IL1RAPL2: variants seen among roughly 807,000 people sequenced by gnomAD.
IL1RAPL2 encodes the protein X-linked interleukin-1 receptor accessory protein-like 2.
Under a neutral mutation model 44.1 loss-of-function variants are expected in IL1RAPL2, and 3 were observed. That is an observed-to-expected ratio of 0.07 (90% CI 0.03 to 0.18). The LOEUF (loss-of-function observed/expected upper bound fraction) is 0.18. Ranked by LOEUF, IL1RAPL2 falls within the 10% of genes least tolerant of loss-of-function variation. The pLI is 1.00. For synonymous variants in IL1RAPL2, 181 were observed against 178.8 expected, an observed-to-expected ratio of 1.01 and a Z score of -0.10; for missense variants, 391 against 496.4, an observed-to-expected ratio of 0.79 and a Z score of 2.02.
rs150616943 is a variant in IL1RAPL2, at chrX:105,101,112, G to A, written c.83-94363G>A. Among the ~76,000 whole-genome samples, 143 of 111,964 alleles carry A rather than the reference G, an allele frequency of 1.3e-3. No homozygotes were observed. The East Asian group carries it at 0.036, about 28-fold the overall frequency. On this transcript the variant is annotated intron_variant, in intron 2 of 10. Coordinates refer to ENST00000372582, the MANE Select transcript of IL1RAPL2 (RefSeq NM_017416.2). ...TTAGTGTAATTATACTCAACTTAGGGAATGAACAACTCCCGATTCCTCTCC... is the reference window on the plus strand; with the variant it reads ...TTAGTGTAATTATACTCAACTTAGGAAATGAACAACTCCCGATTCCTCTCC...
chrX:105,755,163 T>C lies in IL1RAPL2; in HGVS notation c.1193-14T>C. ...TTAATAGTTACAACCCTTTTGTTGT[T>C]CTTTATGTTTAAGACAACAAGGAAT... On this transcript the variant is annotated splice_polypyrimidine_tract_variant and intron_variant, in intron 9 of 10. Coordinates refer to ENST00000372582, the MANE Select transcript of IL1RAPL2 (RefSeq NM_017416.2). 8.6e-7 allele frequency: 1 copy of C among 1,157,013 alleles called. No individual in the cohort carries two copies. Among genetic ancestry groups the C allele is most frequent in the Non-Finnish European group, 1.2e-6 (1 of 854,062 alleles).
At chrX:105,260,024 T>G (rs985201550) in intron 4 of IL1RAPL2, among the ~76,000 whole-genome samples, 26 of 112,330 alleles carry the variant, frequency 2.3e-4, no homozygotes, top group African/African-American at 7.4e-4. Flanking sequence ...TCCGGGAGCT[T>G]CATCCCCGGG....
In IL1RAPL2 at chrX:104,796,487, AAAAC is replaced by A. The variant is rs745394086; in HGVS notation, c.82+137498_82+137501del. ...TGGAAGGGCTCAAGTGGCTGAAGGGAAAACAAACATTCATGGGCTGGCCCAAAGG... is the reference window on the plus strand; with the variant it reads ...TGGAAGGGCTCAAGTGGCTGAAGGGAAAACATTCATGGGCTGGCCCAAAGG... On this transcript the variant is annotated intron_variant, in intron 2 of 10. Coordinates refer to ENST00000372582, the MANE Select transcript of IL1RAPL2 (RefSeq NM_017416.2). 8.0e-5 allele frequency among the ~76,000 whole-genome samples: 9 copies of A among 112,169 alleles called. No homozygotes were observed. In the East Asian group the frequency reaches 2.6e-3, roughly 32 times the overall value.
chrX:104,923,466 G>T (rs1337256694), intron 2 of IL1RAPL2, among the ~76,000 whole-genome samples: 1 of 112,077 alleles, frequency 8.9e-6, no homozygotes, highest in Admixed American at 9.5e-5. Flanking sequence ...CTTATCAGCA[G>T]AAACCTTACA....
intron 1 of IL1RAPL2, among the ~76,000 whole-genome samples, chrX:104,634,745 C>G (rs190982340): frequency 5.4e-5 from 6 of 111,769 alleles, no homozygotes; most frequent in Non-Finnish European, 9.4e-5. Context: ...TGTCTCTGCA[C>G]ATGAGATGGA....
rs2035966551 is a variant in IL1RAPL2, at chrX:105,447,181, A to G, written c.698-37132A>G. On this transcript the variant is annotated intron_variant, in intron 5 of 10. Transcript: ENST00000372582. ...TATAAATATATATAAATATATATAT[A>G]AATATAAATATATATAAATATATAT... is the stretch of plus-strand genomic sequence containing the variant. Among the ~76,000 whole-genome samples the G allele has an allele frequency of 2.7e-3, 69 of 25,928 alleles. 5 individuals are homozygous for G. Among genetic ancestry groups the G allele is most frequent in the African/African-American group, 0.022 (57 of 2,543 alleles). 22.5% of individuals were successfully genotyped at this position (25,928 alleles called of 115,157 possible).
chrX:105,077,089 A>G lies in IL1RAPL2; in HGVS notation c.83-118386A>G, dbSNP rs60253953. ...GTGTGAATTTGATCCTGTCATTATGATTTTAGCTGGTTATTTTGCTCGTTA... is the reference window on the plus strand; with the variant it reads ...GTGTGAATTTGATCCTGTCATTATGGTTTTAGCTGGTTATTTTGCTCGTTA... On this transcript the variant is annotated intron_variant, in intron 2 of 10. Coordinates refer to ENST00000372582, the MANE Select transcript of IL1RAPL2 (RefSeq NM_017416.2). 8.4e-4 allele frequency among the ~76,000 whole-genome samples: 93 copies of G among 111,046 alleles called. 3 individuals are homozygous for G. In the East Asian group the frequency reaches 0.023, roughly 27 times the overall value.
chrX:105,314,320 T>A (rs1321385), intron 5 of IL1RAPL2, among the ~76,000 whole-genome samples: 4 of 109,057 alleles, frequency 3.7e-5, no homozygotes, highest in African/African-American at 1.4e-4. Context: ...TGGTATTTGG[T>A]AGTGAACTTA....
intron 2 of IL1RAPL2, among the ~76,000 whole-genome samples, chrX:105,072,987 C>T (rs1242029723): frequency 1.8e-5 from 2 of 108,205 alleles, no homozygotes; most frequent in African/African-American, 3.4e-5. Context: ...TGAACTCATC[C>T]TTTTTTATGG....
intron 2 of IL1RAPL2, among the ~76,000 whole-genome samples, chrX:105,107,632 G>A (rs760536287): frequency 8.9e-6 from 1 of 111,768 alleles, no homozygotes; most frequent in South Asian, 3.8e-4. Flanking sequence ...AGTGCTTCAG[G>A]AGGATTCACT....
chrX:105,474,998 A>T (rs1281263617), intron 5 of IL1RAPL2, among the ~76,000 whole-genome samples: 1 of 111,287 alleles, frequency 9.0e-6, no homozygotes, highest in Admixed American at 9.6e-5. Flanking sequence ...CAGCAATGTG[A>T]CTTTGGACAA....
intron 2 of IL1RAPL2, among the ~76,000 whole-genome samples, chrX:104,728,682 C>A (rs1324880416): frequency 9.0e-6 from 1 of 111,056 alleles, no homozygotes; most frequent in East Asian, 2.9e-4. Context: ...AGATAAGCTG[C>A]CACATACCTG....
chrX:105,446,384 A>T (rs1011534627), intron 5 of IL1RAPL2, among the ~76,000 whole-genome samples: 1 of 110,875 alleles, frequency 9.0e-6, no homozygotes, highest in Admixed American at 9.6e-5. Flanking sequence ...TAATCCACCT[A>T]CATACAATGT....
intron 2 of IL1RAPL2, among the ~76,000 whole-genome samples, chrX:105,085,420 A>C (rs1435452313): frequency 8.9e-6 from 1 of 112,328 alleles, no homozygotes; most frequent in Non-Finnish European, 1.9e-5. Flanking sequence ...ATACATGGAA[A>C]AATGCTCAAC....
intron 5 of IL1RAPL2, among the ~76,000 whole-genome samples, chrX:105,437,886 G>C (rs1176240820): frequency 9.0e-6 from 1 of 111,541 alleles, no homozygotes; most frequent in Non-Finnish European, 1.9e-5. Context: ...TTTGTTTTTA[G>C]CATGACACTT....
At chrX:104,645,720 C>A (rs1430016010) in intron 1 of IL1RAPL2, among the ~76,000 whole-genome samples, 4 of 112,452 alleles carry the variant, frequency 3.6e-5, no homozygotes, top group African/African-American at 1.3e-4. Context: ...AGATACAATA[C>A]CTATCATGTT....
intron 1 of IL1RAPL2, among the ~76,000 whole-genome samples, chrX:104,599,257 ATAAT>A (rs143581656): frequency 0.011 from 1,260 of 111,497 alleles, 6 homozygotes; most frequent in Non-Finnish European, 0.018. Flanking sequence ...ATTTTTTTAA[ATAAT>A]TAATTTATTT....
chrX:105,537,507 C>T (rs1479599629), intron 6 of IL1RAPL2, among the ~76,000 whole-genome samples: 3 of 111,841 alleles, frequency 2.7e-5, no homozygotes, highest in Non-Finnish European at 5.6e-5. Context: ...TTTCTTTCCT[C>T]ATCCAAGTTT....
chrX:105,044,302 A>T (rs753563800), intron 2 of IL1RAPL2, among the ~76,000 whole-genome samples: 2 of 111,443 alleles, frequency 1.8e-5, no homozygotes, highest in African/African-American at 3.3e-5. Flanking sequence ...ATAGTTTTGT[A>T]TTTAAAGACG....
Sources: gnomAD v4.1 joint callset for allele counts (sites outside exome capture counted in the v4.1 genomes callset) on GRCh38, gnomAD v4.1.1 for gene constraint, MANE v1.5 for transcripts, NCBI Gene and HGNC (gene_info 2026-07-23, HGNC 2026-07-21) for gene names.